Variants in DAB1 observed in about 807,000 individuals in gnomAD.
DAB1 encodes the protein disabled homolog 1.
Under a neutral mutation model 64.6 loss-of-function variants are expected in DAB1, and 15 were observed. The observed-to-expected ratio is 0.23, with a 90% CI of 0.16 to 0.36. The LOEUF (loss-of-function observed/expected upper bound fraction) is 0.36. Among genes scored for constraint, DAB1 ranks in the 10% least tolerant of loss-of-function variants. The probability of loss-of-function intolerance (pLI) is 1.00; values close to 1 mark genes in which losing one functional copy is unlikely to be tolerated. For missense variants in DAB1, 596 were observed against 706.7 expected (o/e 0.84, Z 1.78); for synonymous variants, 235 against 251.9 (o/e 0.93, Z 0.64).
At chr1:58,333,140 C>A (rs1259686174) in intron 4 of DAB1, among the ~76,000 whole-genome samples, 1 of 152,092 alleles carries the variant, frequency 6.6e-6, no homozygotes, top group Non-Finnish European at 1.5e-5. Context: ...GAACTCCAGA[C>A]CTGTTTATTT....
chr1:57,320,986 G>A (rs1675670382), intron 1 of DAB1, among the ~76,000 whole-genome samples: 1 of 152,066 alleles, frequency 6.6e-6, no homozygotes, highest in Non-Finnish European at 1.5e-5. Context: ...AGTAAACTAT[G>A]TATTACAGTC....
At chr1:57,484,365 T>G (rs1644063229) in intron 7 of DAB1, among the ~76,000 whole-genome samples, 1 of 152,232 alleles carries the variant, frequency 6.6e-6, no homozygotes, top group African/African-American at 2.4e-5. Context: ...CCCCTCAGGC[T>G]GCTACGTAGA....
intron 3 of DAB1, among the ~76,000 whole-genome samples, chr1:58,405,381 A>G (rs1644606580): frequency 6.6e-6 from 1 of 151,776 alleles, no homozygotes; most frequent in African/African-American, 2.4e-5. Flanking sequence ...CTGTTTGTTT[A>G]ATTTTTTTTT....
intron 4 of DAB1, among the ~76,000 whole-genome samples, chr1:58,209,182 G>T (rs1658429193): frequency 1.3e-5 from 2 of 152,308 alleles, no homozygotes; most frequent in South Asian, 4.1e-4. Context: ...TGTGAGCTGG[G>T]ATTTGCTAGG....
At chr1:57,862,154 A>C (rs1419979847) in intron 1 of DAB1, among the ~76,000 whole-genome samples, 1 of 152,272 alleles carries the variant, frequency 6.6e-6, no homozygotes, top group African/African-American at 2.4e-5. Context: ...CTGAAATCTT[A>C]CTATATGCTA....
chr1:58,438,857 C>G (rs1644974268), intron 3 of DAB1, among the ~76,000 whole-genome samples: 1 of 152,192 alleles, frequency 6.6e-6, no homozygotes. Flanking sequence ...CTGCTTCTGT[C>G]GCTTTCACCT....
chr1:57,901,730 G>T (rs964749872), intron 5 of DAB1, among the ~76,000 whole-genome samples: 2 of 152,100 alleles, frequency 1.3e-5, no homozygotes, highest in Non-Finnish European at 2.9e-5. Flanking sequence ...TTCATGGCTT[G>T]TTAGTTCAGG....
chr1:58,494,143 A>T (rs141345839), intron 3 of DAB1, among the ~76,000 whole-genome samples: 2 of 152,216 alleles, frequency 1.3e-5, no homozygotes, highest in Non-Finnish European at 2.9e-5. Context: ...TCTTTGACAA[A>T]CCTGACAAAA....
chr1:57,275,795 A>G (rs1014058538), intron 2 of DAB1, among the ~76,000 whole-genome samples: 3 of 152,340 alleles, frequency 2.0e-5, no homozygotes, highest in Non-Finnish European at 2.9e-5. Flanking sequence ...TCTTCTCACT[A>G]CAGGAGAACA....
intron 3 of DAB1, among the ~76,000 whole-genome samples, chr1:58,416,318 T>C (rs12097359): frequency 0.033 from 5,049 of 152,294 alleles, 295 homozygotes; most frequent in African/African-American, 0.12. Context: ...AAGAAAGTTA[T>C]TTAATACCTT....
chr1:57,871,816 T>A (rs1353787228), intron 1 of DAB1, among the ~76,000 whole-genome samples: 6 of 152,164 alleles, frequency 3.9e-5, no homozygotes, highest in Non-Finnish European at 8.8e-5. Flanking sequence ...AGTGTATACA[T>A]GTATGGGTAT....
chr1:57,447,731 G>A (rs1686197966), intron 7 of DAB1, among the ~76,000 whole-genome samples: 1 of 152,120 alleles, frequency 6.6e-6, no homozygotes, highest in Non-Finnish European at 1.5e-5. Context: ...GCCCTCTGTG[G>A]TGAGTCTTAC....
chr1:57,552,165 G>T (rs1185616156), intron 7 of DAB1, among the ~76,000 whole-genome samples: 2 of 152,226 alleles, frequency 1.3e-5, no homozygotes, highest in Admixed American at 1.3e-4. Flanking sequence ...TCACAATTGG[G>T]ACACTCCAAA....
At chr1:58,347,378 T>C (rs76309859) in intron 3 of DAB1, among the ~76,000 whole-genome samples, 2,313 of 152,274 alleles carry the variant, frequency 0.015, 65 homozygotes, top group African/African-American at 0.053. Flanking sequence ...AAAGTGCTGA[T>C]TGCAGGCATG....
intron 7 of DAB1, among the ~76,000 whole-genome samples, chr1:57,505,587 C>T (rs1644334485): frequency 6.6e-6 from 1 of 152,180 alleles, no homozygotes; most frequent in East Asian, 1.9e-4. Context: ...CTTCTGATTT[C>T]CTTCTATAAT....
intron 4 of DAB1, among the ~76,000 whole-genome samples, chr1:58,229,537 G>C (rs1659676814): frequency 6.6e-6 from 1 of 152,094 alleles, no homozygotes; most frequent in African/African-American, 2.4e-5. Context: ...GAAGTCACTG[G>C]GGGTGATGGG....
At position 57,069,327 on chromosome 1, in the gene DAB1, G is replaced by A; in HGVS notation, c.663+33C>T. 1.9e-6 allele frequency: 3 copies of A among 1,539,558 alleles called. 1 individual carries two copies. The South Asian group carries it at 3.4e-5, about 17-fold the overall frequency. On this transcript the variant is annotated intron_variant, in intron 8 of 14. Transcript: ENST00000371236. ...TACATTTATGCATGTACTAGTAGTG[G>A]TGCAATGGTAAGAGAGGCAAGCAAT...
chr1:57,812,404 C>T (rs535263860), intron 6 of DAB1, among the ~76,000 whole-genome samples: 2 of 151,390 alleles, frequency 1.3e-5, no homozygotes, highest in African/African-American at 2.4e-5. Context: ...GAAGGGGCCA[C>T]AGACCACTTA....
At chr1:58,386,666 G>A (rs12071896) in intron 3 of DAB1, among the ~76,000 whole-genome samples, 22,601 of 152,130 alleles carry the variant, frequency 0.15, 2,735 homozygotes, top group African/African-American at 0.33. Context: ...CTTTTGTAAA[G>A]TGAGAAATAT....
Sources: gnomAD v4.1 joint callset for allele counts (sites outside exome capture counted in the v4.1 genomes callset) on GRCh38, gnomAD v4.1.1 for gene constraint, MANE v1.5 for transcripts, NCBI Gene and HGNC (gene_info 2026-07-23, HGNC 2026-07-21) for gene names.